Variants in OTOA observed in about 807,000 individuals in gnomAD.
The protein encoded by OTOA is otoancorin.
Under a neutral mutation model 110.8 loss-of-function variants are expected in OTOA, and 70 were observed. The observed-to-expected ratio is 0.63, with a 90% CI of 0.52 to 0.77. The LOEUF (loss-of-function observed/expected upper bound fraction) is 0.77. OTOA is among the 30% of genes least tolerant of loss of function. OTOA has a pLI of 0.00. For missense variants in OTOA, 917 were observed against 1,075.8 expected, an observed-to-expected ratio of 0.85 and a Z score of 2.06; for synonymous variants, 373 against 431.5, an observed-to-expected ratio of 0.86 and a Z score of 1.68.
At chr16:21,681,221 A>C (rs1966887300) in intron 5 of OTOA, among the ~76,000 whole-genome samples, 1 of 152,176 alleles carries the variant, frequency 6.6e-6, no homozygotes, top group Non-Finnish European at 1.5e-5. Flanking sequence ...AAATTTGGGA[A>C]TTGGCTTTGA....
intron 6 of OTOA, 98 bp from the exon 7 acceptor site, chr16:21,685,132 A>G: frequency 6.6e-7 from 1 of 1,510,272 alleles, no homozygotes; most frequent in East Asian, 2.3e-5. Flanking sequence ...TGGTCTCTGC[A>G]GGGAATGAGG....
At chr16:21,673,461 A>T (rs924985899) in intron 1 of OTOA, among the ~76,000 whole-genome samples, 2 of 152,278 alleles carry the variant, frequency 1.3e-5, no homozygotes, top group Non-Finnish European at 2.9e-5. Flanking sequence ...GCATCCCTTG[A>T]CAGCCTTATC....
chr16:21,737,891 G>A (rs1440821861), intron 22 of OTOA, among the ~76,000 whole-genome samples: 1 of 152,426 alleles, frequency 6.6e-6, no homozygotes, highest in East Asian at 1.9e-4. Context: ...AGGAGACAAA[G>A]TTAATCACCC....
chr16:21,706,460 C>G (rs1039163315), intron 12 of OTOA, among the ~76,000 whole-genome samples: 9 of 152,128 alleles, frequency 5.9e-5, no homozygotes, highest in African/African-American at 2.2e-4. Context: ...GGGGTGTGGC[C>G]TGAGGTATGG....
chr16:21,719,290 C>T, intron 16 of OTOA, 97 bp from the exon 17 acceptor site: 1 of 1,559,098 alleles, frequency 6.4e-7, no homozygotes, highest in East Asian at 2.2e-5. Context: ...GCAGTCACAT[C>T]TGTAGCTTGT....
At chr16:21,712,696 T>A (rs1410358310) in intron 13 of OTOA, among the ~76,000 whole-genome samples, 1 of 131,622 alleles carries the variant, frequency 7.6e-6, no homozygotes, top group Admixed American at 7.4e-5. Context: ...AAAAAAAAAA[T>A]TAGCTGGGCA....
intron 9 of OTOA, among the ~76,000 whole-genome samples, chr16:21,692,134 C>T (rs565759198): frequency 1.3e-5 from 2 of 152,200 alleles, no homozygotes; most frequent in African/African-American, 2.4e-5. Flanking sequence ...TGAGACCAGC[C>T]TGACCGACAT....
intron 21 of OTOA, among the ~76,000 whole-genome samples, chr16:21,731,233 C>T (rs1899106715): frequency 6.6e-6 from 1 of 152,246 alleles, no homozygotes; most frequent in Non-Finnish European, 1.5e-5. Context: ...TGTTCTGGCT[C>T]TCACACTGGC....
rs544767087 is a variant in OTOA, at chr16:21,681,691, A to T, written c.180-47A>T. 2.0e-6 allele frequency: 3 copies of T among 1,523,820 alleles called. No individual in the cohort carries two copies. The South Asian group carries it at 3.4e-5, about 17-fold the overall frequency. 94.4% of individuals were successfully genotyped at this position (1,523,820 alleles called of 1,614,324 possible). A position where few individuals can be genotyped will look rare whatever the true frequency, so the allele number is the denominator to read the frequency against. ...ACTTAGCTAGTACAGTAGTGCTTGTAGGAGAATCTGTCATTGTGATCTTTT... is the reference window on the plus strand; with the variant it reads ...ACTTAGCTAGTACAGTAGTGCTTGTTGGAGAATCTGTCATTGTGATCTTTT... On this transcript the variant is annotated intron_variant, in intron 5 of 28. Transcript: ENST00000646100.
chr16:21,714,337 CTTT>C lies in OTOA; in HGVS notation c.1321-647_1321-645del, dbSNP rs778490724. ...CCTTCCTTCCTTCCTTCCTTCCTTT[CTTT>C]CTTTCTTTCTTTCCTTCTCTCTTTC... On this transcript the variant is annotated intron_variant, in intron 13 of 28. Coordinates refer to ENST00000646100, the MANE Select transcript of OTOA (RefSeq NM_144672.4). 5.9e-3 allele frequency among the ~76,000 whole-genome samples: 744 copies of C among 125,926 alleles called. 11 individuals are homozygous for C. The highest frequency in any genetic ancestry group is 0.019 in the African/African-American group (704 of 36,566). The allele number at this position is 125,926 out of a possible 152,430, so 82.6% of individuals were successfully genotyped here.
At chr16:21,703,757 C>G (rs1054321080) in intron 11 of OTOA, among the ~76,000 whole-genome samples, 4 of 152,160 alleles carry the variant, frequency 2.6e-5, no homozygotes, top group Admixed American at 2.6e-4. Context: ...GCCAGGCTGA[C>G]TGTGGTCAAC....
intron 21 of OTOA, among the ~76,000 whole-genome samples, chr16:21,733,378 A>C (rs1409944699): frequency 6.6e-6 from 1 of 151,500 alleles, no homozygotes; most frequent in Non-Finnish European, 1.5e-5. Flanking sequence ...AAGAGGGACC[A>C]ATCCATGGTA....
intron 24 of OTOA, chr16:21,747,554 G>GA (rs1899668869): frequency 8.4e-6 from 1 of 118,406 alleles, no homozygotes; most frequent in African/African-American, 2.9e-5. Flanking sequence ...CAATATAAGG[G>GA]AAAAAACTAT....
At chr16:21,710,155 AT>A in intron 13 of OTOA, 52 bp downstream of exon 13, 1 of 1,482,556 alleles carries the variant, frequency 6.7e-7, no homozygotes, top group Non-Finnish European at 9.2e-7. Flanking sequence ...ACCTAAGTGT[AT>A]TAGACCTGCC....
In OTOA at chr16:21,705,214, T is replaced by A. The variant is rs749270731; in HGVS notation, c.1026T>A (p.Asp342Glu). 1.2e-6 allele frequency: 2 copies of A among 1,614,166 alleles called. No individual in the cohort carries two copies. Among genetic ancestry groups the A allele is most frequent in the Admixed American group, 1.7e-5 (1 of 60,014 alleles). Residue 342 changes from aspartate (D) to glutamate (E), a missense_variant, in exon 12 of 29, where the codon GAT (aspartate) becomes GAA (glutamate). This residue lies in a region of OTOA where 840 missense variants were observed against 910.2 expected (regional missense o/e 0.92). Transcript: ENST00000646100. ...VCFYNDLELL[D>E]ATVAQVLLYQ... is the part of the protein sequence containing the mutation. ...TCTACAATGACCTGGAATTGCTGGA[T>A]GCCACTGTGGCTCAAGTCCTGCTTT...
chr16:21,758,980 C>A (rs1032893221), intron 28 of OTOA, among the ~76,000 whole-genome samples: 3 of 151,450 alleles, frequency 2.0e-5, no homozygotes, highest in South Asian at 2.1e-4. Context: ...CCAGCCTGGG[C>A]AAAAGAGCAA....
At chr16:21,755,951 G>A (rs867302158) in intron 27 of OTOA, among the ~76,000 whole-genome samples, 88 of 151,414 alleles carry the variant, frequency 5.8e-4, no homozygotes, top group Middle Eastern at 3.2e-3. Flanking sequence ...AGGCTGGAGA[G>A]GTGGGCAGAG....
chr16:21,708,719 T>C (rs547520363), intron 12 of OTOA, among the ~76,000 whole-genome samples: 1 of 152,288 alleles, frequency 6.6e-6, no homozygotes, highest in Non-Finnish European at 1.5e-5. Flanking sequence ...AGTGGCTATT[T>C]CAATATTGCC....
rs757142714 is a variant in OTOA, at chr16:21,726,673, C to T, written c.2016+15C>T. 6 of 1,613,840 alleles carry T rather than the reference C, an allele frequency of 3.7e-6. No individual in the cohort carries two copies. Among genetic ancestry groups the T allele is most frequent in the Non-Finnish European group, 4.2e-6 (5 of 1,179,936 alleles). On this transcript the variant is annotated intron_variant, in intron 19 of 28. Transcript: ENST00000646100. ...AGCAGTGCCTGGTAAGAAAACTCTT[C>T]CTGGGTGTCCCCTCCCTCTGGGTAT...
Sources: allele counts gnomAD v4.1 joint callset (sites outside exome capture counted in the v4.1 genomes callset), GRCh38; gene constraint gnomAD v4.1.1; regional missense constraint gnomAD v4.1.1; transcripts MANE v1.5; gene names NCBI Gene and HGNC (gene_info 2026-07-23, HGNC 2026-07-21).